CFAP92: variants seen among roughly 807,000 people sequenced by gnomAD.
The protein encoded by CFAP92 is uncharacterized protein CFAP92.
Under a neutral mutation model 106.3 loss-of-function variants are expected in CFAP92, and 86 were observed. The observed-to-expected ratio is 0.81, with a 90% CI of 0.68 to 0.97. CFAP92 has a LOEUF of 0.97. Among genes scored for constraint, CFAP92 ranks in the 50% least tolerant of loss-of-function variants. CFAP92 has a pLI of 0.00. For synonymous variants in CFAP92, 477 were observed against 506.4 expected, an observed-to-expected ratio of 0.94 and a Z score of 0.78; for missense variants, 1,204 against 1,283.8, an observed-to-expected ratio of 0.94 and a Z score of 0.95.
At chr3:128,986,022 G>A (rs370202926) in intron 4 of CFAP92, among the ~76,000 whole-genome samples, 12 of 152,244 alleles carry the variant, frequency 7.9e-5, no homozygotes, top group African/African-American at 2.4e-4. Flanking sequence ...TGTCAATAGT[G>A]CCAAGAGTAA....
At chr3:128,977,946 G>T in intron 5 of CFAP92, 99 bp downstream of exon 5, 1 of 1,487,282 alleles carries the variant, frequency 6.7e-7, no homozygotes, top group Non-Finnish European at 9.2e-7. Context: ...ATACACAGGA[G>T]GGACGCCCAT....
chr3:128,919,028 A>G (rs1004995930), intron 12 of CFAP92, among the ~76,000 whole-genome samples: 8 of 146,056 alleles, frequency 5.5e-5, no homozygotes, highest in African/African-American at 2.1e-4. Flanking sequence ...GCTTACTACA[A>G]CCTCCGCCTC....
intron 12 of CFAP92, among the ~76,000 whole-genome samples, chr3:128,924,876 C>T (rs1209814819): frequency 6.6e-6 from 1 of 152,210 alleles, no homozygotes. Flanking sequence ...TTTCTTTCAA[C>T]CCCCACATCC....
intron 9 of CFAP92, among the ~76,000 whole-genome samples, chr3:128,960,451 C>T (rs745905544): frequency 3.3e-5 from 5 of 152,198 alleles, no homozygotes; most frequent in Non-Finnish European, 5.9e-5. Flanking sequence ...TATCCCTCAA[C>T]CTCTTTCTCC....
intron 9 of CFAP92, among the ~76,000 whole-genome samples, chr3:128,947,162 A>G (rs150104159): frequency 3.9e-5 from 6 of 152,238 alleles, no homozygotes; most frequent in African/African-American, 1.2e-4. Context: ...GTGGCTCGGC[A>G]GAAGTCTACT....
upstream of CFAP92, among the ~76,000 whole-genome samples, chr3:128,996,852 T>C (rs1944498316): frequency 6.6e-6 from 1 of 152,160 alleles, no homozygotes; most frequent in Admixed American, 6.5e-5. Flanking sequence ...CCTCCATGGG[T>C]TCCCCCGCCC....
At chr3:128,977,225 A>T (rs2107792539) in intron 5 of CFAP92, among the ~76,000 whole-genome samples, 159 bp from the exon 6 acceptor site, 1 of 152,344 alleles carries the variant, frequency 6.6e-6, no homozygotes, top group East Asian at 1.9e-4. Flanking sequence ...ATGAATAAAC[A>T]TACAGACTAA....
At chr3:129,009,107 A>G in the CFAP92 span, among the ~76,000 whole-genome samples, 1 of 152,290 alleles carries the variant, frequency 6.6e-6, no homozygotes, top group African/African-American at 2.4e-5. Flanking sequence ...TCCCTGCCCA[A>G]CCAAGGTGTT....
At chr3:128,961,961 C>T (rs1941958557) in intron 9 of CFAP92, among the ~76,000 whole-genome samples, 1 of 152,220 alleles carries the variant, frequency 6.6e-6, no homozygotes, top group Non-Finnish European at 1.5e-5. Context: ...TCCAGAACCT[C>T]CTCCCCCAGG....
intron 12 of CFAP92, among the ~76,000 whole-genome samples, chr3:128,921,201 G>C (rs1056297566): frequency 6.6e-6 from 1 of 152,150 alleles, no homozygotes; most frequent in Non-Finnish European, 1.5e-5. Flanking sequence ...CAACATTCCT[G>C]GCGCCCAATA....
the CFAP92 span, among the ~76,000 whole-genome samples, chr3:129,011,598 C>T: frequency 6.6e-6 from 1 of 151,636 alleles, no homozygotes; most frequent in African/African-American, 2.4e-5. Flanking sequence ...TCTTGTCTAT[C>T]CAGAAAAGCA....
intron 15 of CFAP92, chr3:128,914,726 C>T (rs892837985): frequency 6.8e-5 from 12 of 176,654 alleles, no homozygotes; most frequent in South Asian, 1.5e-4. Flanking sequence ...GTATCTTTGC[C>T]GCTGGAAGGT....
intron 8 of CFAP92, 163 bp downstream of exon 8, chr3:128,971,124 T>C (rs975998216): frequency 9.2e-7 from 1 of 1,090,796 alleles, no homozygotes; most frequent in African/African-American, 1.6e-5. Context: ...TGGGCCTTTG[T>C]TTCCCCCTGT....
the CFAP92 span, among the ~76,000 whole-genome samples, chr3:129,013,824 CAG>C: frequency 6.6e-6 from 1 of 152,204 alleles, no homozygotes; most frequent in Non-Finnish European, 1.5e-5. Context: ...GAACAGTAGT[CAG>C]GGGGCTGGAT....
chr3:128,944,859 C>T (rs1318873978), intron 10 of CFAP92, among the ~76,000 whole-genome samples: 1 of 152,174 alleles, frequency 6.6e-6, no homozygotes, highest in Admixed American at 6.5e-5. Context: ...ACCCCTCAGT[C>T]ATCTTAGATA....
chr3:128,958,017 C>A (rs1941580009), intron 9 of CFAP92, among the ~76,000 whole-genome samples: 1 of 152,118 alleles, frequency 6.6e-6, no homozygotes, highest in Non-Finnish European at 1.5e-5. Flanking sequence ...TTCCATGTGG[C>A]GTTCTCTGTG....
chr3:129,002,232 C>G (rs1237470620), intron 1 of CFAP92: 2 of 1,529,192 alleles, frequency 1.3e-6, no homozygotes, highest in Non-Finnish European at 1.7e-6. Context: ...GCGCGTTGCG[C>G]GGCTGGAGGA....
Position 128,964,230 on chromosome 3 carries a change from AC to A in CFAP92, c.1353+1280del, listed in dbSNP as rs755104495. On this transcript the variant is annotated intron_variant, in intron 9 of 15. Transcript: ENST00000645291. ...TAAAGGTCTTTTAAAAACACAGCTC[AC>A]CAAGCTCAGCCACCAACTTAAAAAG... Among the ~76,000 whole-genome samples, 8 of 152,324 alleles carry A rather than the reference AC, an allele frequency of 5.3e-5. No homozygotes were observed. In the East Asian group the frequency reaches 1.2e-3, roughly 22 times the overall value.
chr3:128,975,557 G>A (rs1400942998), intron 7 of CFAP92, among the ~76,000 whole-genome samples: 2 of 151,912 alleles, frequency 1.3e-5, no homozygotes, highest in East Asian at 1.9e-4. Context: ...TGGATAGATG[G>A]GGATGGACAG....
Sources: allele counts gnomAD v4.1 joint callset (sites outside exome capture counted in the v4.1 genomes callset), GRCh38; gene constraint gnomAD v4.1.1; transcripts MANE v1.5; gene names NCBI Gene and HGNC (gene_info 2026-07-23, HGNC 2026-07-21).